Variants in TMLHE observed in about 807,000 individuals in gnomAD.
TMLHE encodes the protein trimethyllysine dioxygenase, mitochondrial.
TMLHE carries 18 observed loss-of-function variants against 25.7 expected under a neutral mutation model. That is an observed-to-expected ratio of 0.70 (90% CI 0.48 to 1.04). TMLHE has a LOEUF of 1.04. Ranked by LOEUF, TMLHE falls within the 50% of genes least tolerant of loss-of-function variation. The pLI is 0.00. For synonymous variants in TMLHE, 105 were observed against 97.0 expected, an observed-to-expected ratio of 1.08 and a Z score of -0.49; for missense variants, 236 against 259.0, an observed-to-expected ratio of 0.91 and a Z score of 0.61.
At chrX:155,604,071 C>T (rs2067772924) in intron 1 of TMLHE, among the ~76,000 whole-genome samples, 1 of 111,739 alleles carries the variant, frequency 8.9e-6, no homozygotes, top group Non-Finnish European at 1.9e-5. Context: ...AGAGCCAAGT[C>T]TCTCATCTCT....
chrX:155,574,441 A>C (rs1281313075), intron 1 of TMLHE, among the ~76,000 whole-genome samples: 10 of 112,119 alleles, frequency 8.9e-5, no homozygotes, highest in Admixed American at 7.6e-4. Flanking sequence ...AAGGGTAGAA[A>C]CTTAGCCTTA....
At chrX:155,508,995 G>A (rs1230393882) in intron 5 of TMLHE, among the ~76,000 whole-genome samples, 1 of 110,849 alleles carries the variant, frequency 9.0e-6, no homozygotes, top group African/African-American at 3.3e-5. Context: ...GGAGTCAATA[G>A]GTATGGAAAG....
chrX:155,580,062 C>G (rs1369023936), intron 1 of TMLHE, among the ~76,000 whole-genome samples: 1 of 111,431 alleles, frequency 9.0e-6, no homozygotes, highest in Non-Finnish European at 1.9e-5. Flanking sequence ...AAAATATTTG[C>G]AAACGATGCA....
At chrX:155,557,849 A>T (rs1557341125) in intron 1 of TMLHE, among the ~76,000 whole-genome samples, 4 of 111,422 alleles carry the variant, frequency 3.6e-5, no homozygotes, top group African/African-American at 1.3e-4. Flanking sequence ...TTATCAAGTC[A>T]TGATAACTTT....
At chrX:155,586,298 G>C (rs1557345300) in intron 1 of TMLHE, among the ~76,000 whole-genome samples, 1 of 110,018 alleles carries the variant, frequency 9.1e-6, no homozygotes. Context: ...AAATAAATTA[G>C]GGAGAGCAAA....
chrX:155,600,866 T>C (rs2067751958), intron 1 of TMLHE, among the ~76,000 whole-genome samples: 1 of 111,895 alleles, frequency 8.9e-6, no homozygotes, highest in Non-Finnish European at 1.9e-5. Flanking sequence ...TTCAGCAAAT[T>C]GTGGAACCCT....
intron 2 of TMLHE, among the ~76,000 whole-genome samples, chrX:155,541,616 T>A (rs1289407039): frequency 4.5e-5 from 5 of 111,787 alleles, no homozygotes; most frequent in African/African-American, 1.3e-4. Flanking sequence ...TTGAAGAATC[T>A]CCACACTGTC....
At chrX:155,548,911 G>A (rs142416933) in intron 1 of TMLHE, among the ~76,000 whole-genome samples, 2 of 110,537 alleles carry the variant, frequency 1.8e-5, no homozygotes, top group Admixed American at 1.9e-4. Context: ...AGTGAGATAT[G>A]ATATAACCAT....
At chrX:155,540,345 T>C (rs1557338044) in intron 2 of TMLHE, among the ~76,000 whole-genome samples, 1 of 110,976 alleles carries the variant, frequency 9.0e-6, no homozygotes, top group African/African-American at 3.3e-5. Context: ...ATCAGCTGGT[T>C]TCTCAGCAAA....
chrX:155,607,980 C>G (rs1300203505), intron 1 of TMLHE, among the ~76,000 whole-genome samples: 1 of 111,859 alleles, frequency 8.9e-6, no homozygotes, highest in Non-Finnish European at 1.9e-5. Context: ...AATAGCCATA[C>G]TGCTCAAAGC....
chrX:155,590,713 C>T (rs1247180143), intron 1 of TMLHE, among the ~76,000 whole-genome samples: 15 of 110,483 alleles, frequency 1.4e-4, no homozygotes, highest in African/African-American at 4.3e-4. Context: ...ATGATAAAGA[C>T]ATCAAAAATT....
chrX:155,524,746 G>T (rs1419686276), intron 2 of TMLHE, 114 bp from the exon 3 acceptor site: 8 of 621,615 alleles, frequency 1.3e-5, no homozygotes, highest in Non-Finnish European at 1.6e-5. Flanking sequence ...GGGTTGAGGG[G>T]AGGGACTTGC....
At chrX:155,530,448 GCAGAT>G (rs782409261) in intron 2 of TMLHE, among the ~76,000 whole-genome samples, 275 of 46,979 alleles carry the variant, frequency 5.9e-3, no homozygotes, top group African/African-American at 0.014. Context: ...ACACAAAGTA[GCAGAT>G]ATGTAGAATG....
chrX:155,592,676 C>A (rs1226073988), intron 1 of TMLHE, among the ~76,000 whole-genome samples: 1 of 111,990 alleles, frequency 8.9e-6, no homozygotes, highest in Non-Finnish European at 1.9e-5. Flanking sequence ...AGAATAATGA[C>A]ACAGCTAGAC....
chrX:155,558,976 G>A lies in TMLHE; in HGVS notation c.-1-13699C>T, dbSNP rs73247699. Among the ~76,000 whole-genome samples, 1,047 of 111,256 alleles carry A rather than the reference G, an allele frequency of 9.4e-3. 3 individuals are homozygous for A. Among genetic ancestry groups the A allele is most frequent in the Non-Finnish European group, 0.016 (861 of 52,936 alleles). On this transcript the variant is annotated intron_variant, in intron 1 of 7. Transcript: ENST00000334398. ...GATAACTGTAATTTTTTAAGTACTC[G>A]CTTATTTGAAAATTTGTTTTAGAAG...
intron 1 of TMLHE, among the ~76,000 whole-genome samples, chrX:155,604,889 A>G (rs2067778106): frequency 8.9e-6 from 1 of 112,102 alleles, no homozygotes; most frequent in African/African-American, 3.2e-5. Context: ...CACTCTGACA[A>G]TGTCCAGAAA....
In TMLHE at chrX:155,524,569, G is replaced by A; in HGVS notation, c.245C>T (p.Ser82Leu). 8.3e-7 allele frequency: 1 copy of A among 1,206,851 alleles called. No homozygotes were observed. Among genetic ancestry groups the A allele is most frequent in the Non-Finnish European group, 1.1e-6 (1 of 893,008 alleles). The change falls in exon 3 of 8, where the codon TCA becomes TTA. Residue 82 changes from serine (S) to leucine (L), a missense_variant. By Grantham distance (145) the Ser-to-Leu change is moderately radical. This residue lies in a region of TMLHE where 217 missense variants were observed against 214.6 expected (regional missense o/e 1.01). Coordinates refer to ENST00000334398, the MANE Select transcript of TMLHE (RefSeq NM_018196.4). ...DYVWLRDHCRSASCYNSKTHQ... is the reference protein window; with the variant it reads ...DYVWLRDHCRLASCYNSKTHQ... Reference sequence around the variant, plus strand: ...AGTCTTAGAGTTGTAGCACGATGCTGAGCGGCAGTGGTCTCGAAGCCAGAC... The same window carrying A: ...AGTCTTAGAGTTGTAGCACGATGCTAAGCGGCAGTGGTCTCGAAGCCAGAC...
rs2067533844 is a variant in TMLHE, at chrX:155,569,514, A to T, written c.-1-24237T>A. Among the ~76,000 whole-genome samples, 2 of 56,142 alleles carry T rather than the reference A, an allele frequency of 3.6e-5. 1 individual carries two copies. The highest frequency in any genetic ancestry group is 8.6e-5 in the African/African-American group (2 of 23,263). 48.8% of individuals were successfully genotyped at this position (56,142 alleles called of 115,157 possible). A position where few individuals can be genotyped will look rare whatever the true frequency, so the allele number is the denominator to read the frequency against. On this transcript the variant is annotated intron_variant, in intron 1 of 7. Transcript: ENST00000334398. ...ACAAAGATACTCCTTGAGAAGAGCA[A>T]CTCCAAGACACATAATTGTCAGATT...
intron 1 of TMLHE, among the ~76,000 whole-genome samples, chrX:155,548,250 C>G (rs1400336029): frequency 1.8e-5 from 2 of 111,347 alleles, no homozygotes; most frequent in African/African-American, 6.5e-5. Context: ...CAAATGGGAT[C>G]ACATCAAATT....
Sources: allele counts gnomAD v4.1 joint callset (sites outside exome capture counted in the v4.1 genomes callset), GRCh38; gene constraint gnomAD v4.1.1; regional missense constraint gnomAD v4.1.1; transcripts MANE v1.5; gene names NCBI Gene and HGNC (gene_info 2026-07-23, HGNC 2026-07-21).